Variants in CAST observed in about 807,000 individuals in gnomAD.
CAST encodes MIR583 host.
Under a neutral mutation model 119.6 loss-of-function variants are expected in CAST, and 76 were observed. The observed-to-expected ratio is 0.64, with a 90% CI of 0.53 to 0.77. CAST has a LOEUF of 0.77. Among genes scored for constraint, CAST ranks in the 30% least tolerant of loss-of-function variants. The pLI, the probability that CAST is intolerant of heterozygous loss-of-function variation, is 0.00. For synonymous variants in CAST, 319 were observed against 331.6 expected, an observed-to-expected ratio of 0.96 and a Z score of 0.41; for missense variants, 953 against 946.5, an observed-to-expected ratio of 1.01 and a Z score of -0.09.
the CAST span, among the ~76,000 whole-genome samples, chr5:96,013,363 T>C: frequency 1.3e-5 from 2 of 151,966 alleles, no homozygotes; most frequent in Admixed American, 1.3e-4. Context: ...TTTTGAATTC[T>C]TTGCTTTTTT....
chr5:96,041,716 AG>A, the CAST span, among the ~76,000 whole-genome samples: 1 of 152,074 alleles, frequency 6.6e-6, no homozygotes, highest in African/African-American at 2.4e-5. Context: ...TAAAAAAAAA[AG>A]TCTGTTAGAA....
chr5:96,510,540 A>C, the CAST span, among the ~76,000 whole-genome samples: 7 of 152,188 alleles, frequency 4.6e-5, no homozygotes, highest in African/African-American at 1.4e-4. Context: ...TTGATGATAC[A>C]AGGGGACTGC....
At chr5:96,513,758 G>C in the CAST span, among the ~76,000 whole-genome samples, 21 of 152,230 alleles carry the variant, frequency 1.4e-4, no homozygotes, top group Admixed American at 1.0e-3. Flanking sequence ...TAGCTTATTT[G>C]TTTCCTAGGG....
chr5:96,513,852 C>T, the CAST span, among the ~76,000 whole-genome samples: 1 of 152,224 alleles, frequency 6.6e-6, no homozygotes, highest in African/African-American at 2.4e-5. Context: ...AGAAGCCCCA[C>T]ATCAAGATGT....
the CAST span, chr5:96,408,159 A>G: frequency 8.6e-7 from 1 of 1,156,880 alleles, no homozygotes; most frequent in Non-Finnish European, 1.3e-6. Context: ...CAGAAAAAAA[A>G]GTGTTATTAA....
At chr5:96,032,299 T>A in the CAST span, among the ~76,000 whole-genome samples, 5 of 152,084 alleles carry the variant, frequency 3.3e-5, no homozygotes, top group Non-Finnish European at 7.4e-5. Context: ...GTCATTTGAG[T>A]TCTTGAATGC....
At chr5:96,668,945 C>T (rs1417922446) in intron 1 of CAST, among the ~76,000 whole-genome samples, 3 of 152,222 alleles carry the variant, frequency 2.0e-5, no homozygotes, top group Admixed American at 6.5e-5. Flanking sequence ...GCTGGAACCA[C>T]AGCCAACCCA....
the CAST span, among the ~76,000 whole-genome samples, chr5:96,091,233 C>T: frequency 9.9e-5 from 15 of 151,228 alleles, no homozygotes; most frequent in African/African-American, 1.9e-4. Flanking sequence ...GACAGACCCT[C>T]GCTCTGTCGC....
At chr5:96,054,881 C>A in the CAST span, among the ~76,000 whole-genome samples, 1 of 152,034 alleles carries the variant, frequency 6.6e-6, no homozygotes, top group Non-Finnish European at 1.5e-5. Flanking sequence ...TCATCTCATC[C>A]CAGCTTTAGT....
intron 1 of CAST, among the ~76,000 whole-genome samples, chr5:96,564,740 G>A (rs551558574): frequency 6.6e-6 from 1 of 152,294 alleles, no homozygotes; most frequent in African/African-American, 2.4e-5. Flanking sequence ...GCAACGTGGT[G>A]AAACCCCATC....
the CAST span, among the ~76,000 whole-genome samples, chr5:96,164,135 C>A: frequency 1.3e-5 from 2 of 152,146 alleles, no homozygotes; most frequent in Non-Finnish European, 2.9e-5. Context: ...GTTCTCTACG[C>A]TCTCTCTCAC....
chr5:96,070,231 A>G, the CAST span, among the ~76,000 whole-genome samples: 1 of 152,146 alleles, frequency 6.6e-6, no homozygotes, highest in Admixed American at 6.5e-5. Context: ...TCCATTTCCA[A>G]AGCCCTTTGT....
chr5:96,772,750 T>G lies in CAST; in HGVS notation c.*134T>G, dbSNP rs1236209489. ...GATTTCTAGAATGGTTTTTGTTGAG[T>G]CTCTGAACATCCTAAATATTGGTTT... On this transcript the variant is annotated 3_prime_UTR_variant, in exon 32 of 32. Coordinates refer to ENST00000675179, the MANE Select transcript of CAST (RefSeq NM_001750.7). 1 of 152,726 alleles carries G rather than the reference T, an allele frequency of 6.5e-6. No individual in the cohort carries two copies. The highest frequency in any genetic ancestry group is 6.5e-5 in the Admixed American group (1 of 15,272). The allele number at this position is 152,726 out of a possible 1,614,324, so 9.5% of individuals were successfully genotyped here.
the CAST span, among the ~76,000 whole-genome samples, chr5:96,188,236 A>G: frequency 6.6e-6 from 1 of 152,226 alleles, no homozygotes; most frequent in East Asian, 1.9e-4. Flanking sequence ...ATTATCTATA[A>G]AAATATTTAG....
the CAST span, among the ~76,000 whole-genome samples, chr5:96,491,594 A>G: frequency 3.3e-5 from 5 of 151,742 alleles, no homozygotes; most frequent in Non-Finnish European, 5.9e-5. Flanking sequence ...AATAGAAATG[A>G]CCATGTTAGA....
At chr5:96,179,264 AAT>A in the CAST span, among the ~76,000 whole-genome samples, 2 of 152,120 alleles carry the variant, frequency 1.3e-5, no homozygotes, top group African/African-American at 4.8e-5. Flanking sequence ...AACTCCCTTA[AAT>A]GGAATATTTA....
At chr5:96,552,145 T>C (rs1047303713) in intron 1 of CAST, among the ~76,000 whole-genome samples, 6 of 152,066 alleles carry the variant, frequency 3.9e-5, no homozygotes, top group African/African-American at 1.4e-4. Flanking sequence ...GCACTTATTC[T>C]AAAATTGACC....
chr5:96,287,269 C>T, the CAST span, among the ~76,000 whole-genome samples: 1 of 152,058 alleles, frequency 6.6e-6, no homozygotes, highest in Non-Finnish European at 1.5e-5. Flanking sequence ...ACTGTCTTGA[C>T]CAGAACTTCT....
At chr5:96,230,321 T>C in the CAST span, among the ~76,000 whole-genome samples, 1 of 152,174 alleles carries the variant, frequency 6.6e-6, no homozygotes, top group Non-Finnish European at 1.5e-5. Flanking sequence ...TCCTTTTAGG[T>C]CCACTGTCTT....
Sources: allele counts gnomAD v4.1 joint callset (sites outside exome capture counted in the v4.1 genomes callset), GRCh38; gene constraint gnomAD v4.1.1; transcripts MANE v1.5; gene names NCBI Gene and HGNC (gene_info 2026-07-23, HGNC 2026-07-21).